Variants in APBB2 observed in about 807,000 individuals in gnomAD.
The protein encoded by APBB2 is Fe65-like 1.
A neutral mutation model predicts 82.5 loss-of-function variants in APBB2; 38 were observed. The observed-to-expected ratio is 0.46, with a 90% confidence interval of 0.36 to 0.60. The LOEUF is 0.60. Among genes scored for constraint, APBB2 ranks in the 20% least tolerant of loss-of-function variants. The pLI is 0.00. For missense variants in APBB2, 772 were observed against 972.3 expected (o/e 0.79, Z 2.74); for synonymous variants, 341 against 368.2 (o/e 0.93, Z 0.85).
Position 40,982,221 on chromosome 4 carries a change from G to GAAA in APBB2, c.835+31361_835+31362insTTT, listed in dbSNP as rs766666523. Reference sequence around the variant, plus strand: ...AAAGAAAGAAAAGAAAGAAAAGAAAGGAAAGAAAGAAAGAAAGAAAGAAAG... The same window carrying GAAA: ...AAAGAAAGAAAAGAAAGAAAAGAAAGAAAGAAAGAAAGAAAGAAAGAAAGAAAG... On this transcript the variant is annotated intron_variant, in intron 6 of 17. Transcript: ENST00000508593. 7.1e-3 allele frequency among the ~76,000 whole-genome samples: 92 copies of GAAA among 12,888 alleles called. 5 individuals carry two copies. Among genetic ancestry groups the GAAA allele is most frequent in the African/African-American group, 0.02 (61 of 3,020 alleles). The allele number at this position is 12,888 out of a possible 152,430, so 8.5% of individuals were successfully genotyped here.
intron 10 of APBB2, among the ~76,000 whole-genome samples, chr4:40,897,184 C>T (rs763401963): frequency 7.2e-5 from 11 of 152,106 alleles, no homozygotes; most frequent in African/African-American, 2.7e-4. Context: ...GCAAATCACC[C>T]GACCTCACCC....
intron 6 of APBB2, among the ~76,000 whole-genome samples, chr4:40,998,662 G>A (rs765798900): frequency 6.6e-6 from 1 of 152,144 alleles, no homozygotes; most frequent in East Asian, 1.9e-4. Flanking sequence ...TGATGAAGCC[G>A]TACATTAAAG....
intron 10 of APBB2, 27 bp downstream of exon 10, chr4:40,934,429 G>T (rs1451053952): frequency 1.9e-6 from 3 of 1,602,308 alleles, no homozygotes; most frequent in South Asian, 2.2e-5. Context: ...AATATAACCT[G>T]GTGGCTGAAA....
chr4:41,059,776 G>T (rs1729132417), intron 4 of APBB2, among the ~76,000 whole-genome samples: 1 of 152,004 alleles, frequency 6.6e-6, no homozygotes, highest in Non-Finnish European at 1.5e-5. Context: ...CTCTGTTCGG[G>T]GCTCTCAGCT....
At chr4:41,213,165 T>A (rs1467752782) in intron 1 of APBB2, among the ~76,000 whole-genome samples, 1 of 151,890 alleles carries the variant, frequency 6.6e-6, no homozygotes, top group East Asian at 1.9e-4. Context: ...TTTTTTTAAA[T>A]CAGTGAAATA....
intron 6 of APBB2, among the ~76,000 whole-genome samples, chr4:40,987,534 C>T (rs1800714780): frequency 6.6e-6 from 1 of 152,052 alleles, no homozygotes; most frequent in Non-Finnish European, 1.5e-5. Context: ...TTTGACCTTT[C>T]AATCCAATGG....
rs1333971825 is a variant in APBB2, at chr4:40,811,099, T to C, written c.*4993A>G. ...CACAATTTGTTGCCACTTACATTGA[T>C]TATCTCCTAACATGCATTTGGCACT... On this transcript the variant is annotated 3_prime_UTR_variant, in exon 18 of 18. Transcript: ENST00000508593. 1 of 151,900 alleles carries C rather than the reference T, an allele frequency of 6.6e-6. No individual in the cohort carries two copies. The highest frequency in any genetic ancestry group is 1.5e-5 in the Non-Finnish European group (1 of 68,032). The allele number at this position is 151,900 out of a possible 1,614,324, so 9.4% of individuals were successfully genotyped here.
intron 12 of APBB2, among the ~76,000 whole-genome samples, chr4:40,863,432 T>C (rs1444224256): frequency 6.6e-6 from 1 of 152,190 alleles, no homozygotes; most frequent in Admixed American, 6.5e-5. Flanking sequence ...TCTGATTCAG[T>C]GGGTCTGGGT....
intron 6 of APBB2, among the ~76,000 whole-genome samples, chr4:40,973,133 C>T (rs1796357892): frequency 1.3e-5 from 2 of 152,212 alleles, no homozygotes; most frequent in South Asian, 4.1e-4. Flanking sequence ...TCGACCCTCC[C>T]TCTTTTCCAC....
chr4:41,209,130 AG>A (rs1778691399), intron 1 of APBB2, among the ~76,000 whole-genome samples: 1 of 152,104 alleles, frequency 6.6e-6, no homozygotes, highest in Non-Finnish European at 1.5e-5. Context: ...CACTCCTAAC[AG>A]GGGTCCAGGA....
At chr4:41,051,258 C>A (rs1725839027) in intron 4 of APBB2, among the ~76,000 whole-genome samples, 1 of 152,194 alleles carries the variant, frequency 6.6e-6, no homozygotes, top group Non-Finnish European at 1.5e-5. Context: ...CAAACTGCCT[C>A]AAAACACTGG....
intron 13 of APBB2, among the ~76,000 whole-genome samples, chr4:40,830,252 T>C (rs1265789526): frequency 3.3e-5 from 5 of 151,888 alleles, no homozygotes; most frequent in Non-Finnish European, 5.9e-5. Flanking sequence ...GGAGGGACTA[T>C]GGTTCTATTC....
chr4:41,039,806 G>A (rs1720634469), intron 4 of APBB2, among the ~76,000 whole-genome samples: 3 of 146,616 alleles, frequency 2.0e-5, no homozygotes, highest in Non-Finnish European at 4.5e-5. Flanking sequence ...GCTGCAGTGA[G>A]TTGTGAAACA....
intron 3 of APBB2, among the ~76,000 whole-genome samples, chr4:41,072,701 G>C (rs550941609): frequency 6.6e-6 from 1 of 152,148 alleles, no homozygotes; most frequent in South Asian, 2.1e-4. Flanking sequence ...CCTGCCCGGA[G>C]CGTGTTATTT....
chr4:40,926,242 C>G (rs187885388), intron 10 of APBB2, among the ~76,000 whole-genome samples: 11 of 152,278 alleles, frequency 7.2e-5, no homozygotes, highest in Non-Finnish European at 1.6e-4. Context: ...GCAAACTTAA[C>G]AGAAATGCAA....
At chr4:41,126,466 G>A (rs951203664) in intron 2 of APBB2, among the ~76,000 whole-genome samples, 2 of 152,116 alleles carry the variant, frequency 1.3e-5, no homozygotes, top group Non-Finnish European at 1.5e-5. Flanking sequence ...GTTACCTGGC[G>A]ACCCTGTGAG....
chr4:41,166,436 G>A (rs1766623000), intron 1 of APBB2, among the ~76,000 whole-genome samples: 1 of 152,002 alleles, frequency 6.6e-6, no homozygotes, highest in Non-Finnish European at 1.5e-5. Flanking sequence ...AAATTAGCCA[G>A]GCATAGTGGC....
At chr4:41,174,398 TCTGCTTAACCACC>T (rs1453475080) in intron 1 of APBB2, among the ~76,000 whole-genome samples, 5 of 152,178 alleles carry the variant, frequency 3.3e-5, no homozygotes, top group Non-Finnish European at 7.4e-5. Flanking sequence ...TTAACTCATC[TCTGCTTAACCACC>T]CTGCCAAATT....
chr4:40,946,232 CAAAAAAAAA>C (rs55995119), intron 6 of APBB2, among the ~76,000 whole-genome samples: 1 of 78,724 alleles, frequency 1.3e-5, no homozygotes, highest in Non-Finnish European at 2.4e-5. Context: ...ACTCTATCTC[CAAAAAAAAA>C]AAAAAAAAAA....
Sources: allele counts gnomAD v4.1 joint callset (sites outside exome capture counted in the v4.1 genomes callset), GRCh38; gene constraint gnomAD v4.1.1; transcripts MANE v1.5; gene names NCBI Gene and HGNC (gene_info 2026-07-23, HGNC 2026-07-21).